DAB1: variants seen among roughly 807,000 people sequenced by gnomAD.
DAB1 encodes the protein DAB adaptor protein 1, also known as disabled homolog 1.
DAB1 carries 15 observed loss-of-function variants against 64.6 expected under a neutral mutation model. That is an observed-to-expected ratio of 0.23 (90% CI 0.16 to 0.36). DAB1 has a LOEUF of 0.36. DAB1 is among the 10% of genes least tolerant of loss of function. DAB1 has a pLI of 1.00. For synonymous variants in DAB1, 235 were observed against 251.9 expected, an observed-to-expected ratio of 0.93 and a Z score of 0.64; for missense variants, 596 against 706.7, an observed-to-expected ratio of 0.84 and a Z score of 1.78.
intron 6 of DAB1, among the ~76,000 whole-genome samples, chr1:57,783,263 C>A (rs533746907): frequency 6.6e-6 from 1 of 152,088 alleles, no homozygotes; most frequent in Non-Finnish European, 1.5e-5. Context: ...GCATGTGCCA[C>A]CACTCATGCC....
intron 9 of DAB1, among the ~76,000 whole-genome samples, chr1:57,032,279 A>G (rs1390719954): frequency 6.6e-6 from 1 of 152,148 alleles, no homozygotes; most frequent in African/African-American, 2.4e-5. Context: ...CCTACCTTGC[A>G]TCAGCTACCA....
At chr1:57,330,941 C>G (rs1208038965) in intron 1 of DAB1, among the ~76,000 whole-genome samples, 1 of 152,110 alleles carries the variant, frequency 6.6e-6, no homozygotes, top group African/African-American at 2.4e-5. Context: ...GTAGAGCCAC[C>G]TAAACAGCAT....
intron 2 of DAB1, among the ~76,000 whole-genome samples, chr1:57,256,497 G>A (rs1040797467): frequency 1.3e-5 from 2 of 152,072 alleles, no homozygotes; most frequent in African/African-American, 4.8e-5. Context: ...TTTACCCATC[G>A]GAGGCTTCCC....
chr1:57,005,703 G>T (rs1646041805), intron 14 of DAB1, among the ~76,000 whole-genome samples: 1 of 152,174 alleles, frequency 6.6e-6, no homozygotes, highest in Non-Finnish European at 1.5e-5. Flanking sequence ...TGTCCTTCCT[G>T]ATTCTGTTTG....
chr1:57,481,416 C>G (rs1404142067), intron 7 of DAB1, among the ~76,000 whole-genome samples: 1 of 152,146 alleles, frequency 6.6e-6, no homozygotes, highest in African/African-American at 2.4e-5. Flanking sequence ...GAATTTTATT[C>G]ACATATATTC....
intron 2 of DAB1, among the ~76,000 whole-genome samples, chr1:57,268,933 G>A (rs1432158780): frequency 6.6e-6 from 1 of 152,154 alleles, no homozygotes; most frequent in Non-Finnish European, 1.5e-5. Flanking sequence ...GCAAGAGCAG[G>A]AAGGTGCTAC....
intron 6 of DAB1, among the ~76,000 whole-genome samples, chr1:57,776,730 T>C (rs566674630): frequency 8.6e-5 from 13 of 151,886 alleles, no homozygotes; most frequent in Admixed American, 2.6e-4. Context: ...TACAAACATA[T>C]ATTTCCATTT....
At chr1:57,259,462 A>G (rs1670014639) in intron 2 of DAB1, among the ~76,000 whole-genome samples, 1 of 152,142 alleles carries the variant, frequency 6.6e-6, no homozygotes, top group Admixed American at 6.6e-5. Flanking sequence ...CTTAACCATC[A>G]AGTAGGAGCT....
chr1:57,260,072 C>T (rs1454643027), intron 2 of DAB1, among the ~76,000 whole-genome samples: 1 of 152,116 alleles, frequency 6.6e-6, no homozygotes, highest in Non-Finnish European at 1.5e-5. Flanking sequence ...ACATAGAGAA[C>T]TCGGCCAAGA....
chr1:57,152,846 T>C (rs924764661), intron 2 of DAB1, among the ~76,000 whole-genome samples: 4 of 152,222 alleles, frequency 2.6e-5, no homozygotes, highest in African/African-American at 4.8e-5. Flanking sequence ...GGAACAGAAC[T>C]GAGTTGGTAA....
At chr1:57,541,131 C>CTT (rs533723819) in intron 7 of DAB1, among the ~76,000 whole-genome samples, 5 of 142,502 alleles carry the variant, frequency 3.5e-5, no homozygotes, top group Admixed American at 7.0e-5. Context: ...ACTTTTCTTT[C>CTT]TTTTTTTTTT....
intron 2 of DAB1, among the ~76,000 whole-genome samples, chr1:57,192,222 C>A (rs1316661864): frequency 5.3e-5 from 8 of 151,896 alleles, no homozygotes; most frequent in South Asian, 2.1e-4. Context: ...GAGGCTGAGT[C>A]AGGAGAATCA....
intron 7 of DAB1, among the ~76,000 whole-genome samples, chr1:57,637,317 T>A (rs1212520052): frequency 6.6e-6 from 1 of 152,176 alleles, no homozygotes; most frequent in Non-Finnish European, 1.5e-5. Context: ...AGTCATATAT[T>A]TTCAATGGAG....
intron 5 of DAB1, among the ~76,000 whole-genome samples, chr1:58,075,900 C>A (rs371810919): frequency 6.6e-6 from 1 of 152,064 alleles, no homozygotes; most frequent in Non-Finnish European, 1.5e-5. Context: ...TTTTCACCAA[C>A]GCTATTGAGA....
intron 1 of DAB1, chr1:58,534,191 A>G: frequency 1.1e-6 from 1 of 871,890 alleles, no homozygotes; most frequent in South Asian, 1.3e-5. Flanking sequence ...TTGGGGAATC[A>G]ACCACATGAA....
chr1:58,105,373 C>A (rs554727759), intron 5 of DAB1, among the ~76,000 whole-genome samples: 1 of 152,310 alleles, frequency 6.6e-6, no homozygotes, highest in South Asian at 2.1e-4. Flanking sequence ...CCCATAAATA[C>A]AAGGGCTGCC....
chr1:57,717,906 C>A (rs763452206), intron 6 of DAB1, among the ~76,000 whole-genome samples: 1 of 150,794 alleles, frequency 6.6e-6, no homozygotes, highest in African/African-American at 2.5e-5. Flanking sequence ...CTCATTAATA[C>A]GTAGAATCTT....
intron 3 of DAB1, among the ~76,000 whole-genome samples, chr1:58,377,652 T>C (rs113288385): frequency 2.1e-5 from 3 of 139,814 alleles, no homozygotes; most frequent in South Asian, 2.3e-4. Context: ...CTGACAATTA[T>C]GTGTCTTGGA....
chr1:58,300,552 GA>G (rs1311328369), intron 4 of DAB1, among the ~76,000 whole-genome samples: 8 of 18,616 alleles, frequency 4.3e-4, no homozygotes, highest in Non-Finnish European at 7.5e-4. Flanking sequence ...TGAAAAGAAA[GA>G]AAGAAAGAAA....
Sources: gnomAD v4.1 joint callset for allele counts (sites outside exome capture counted in the v4.1 genomes callset) on GRCh38, gnomAD v4.1.1 for gene constraint, MANE v1.5 for transcripts, NCBI Gene and HGNC (gene_info 2026-07-23, HGNC 2026-07-21) for gene names.